Variants in CFAP44 observed in about 807,000 individuals in gnomAD.
The protein encoded by CFAP44 is cilia and flagella associated protein 44.
In CFAP44, 134 loss-of-function variants were observed where a neutral mutation model predicts 216.2. That is an observed-to-expected ratio of 0.62 (90% CI 0.54 to 0.72). The LOEUF (loss-of-function observed/expected upper bound fraction) is 0.72. Ranked by LOEUF, CFAP44 falls within the 30% of genes least tolerant of loss-of-function variation. The pLI, the probability that CFAP44 is intolerant of heterozygous loss-of-function variation, is 0.00. For synonymous variants in CFAP44, 700 were observed against 727.6 expected (o/e 0.96, Z 0.61); for missense variants, 2,035 against 2,182.1 (o/e 0.93, Z 1.34).
intron 1 of CFAP44, 28 bp from the exon 2 acceptor site, chr3:113,433,697 T>C (rs781683003): frequency 4.0e-6 from 6 of 1,514,984 alleles, no homozygotes; most frequent in South Asian, 3.4e-5. Context: ...GGATGAGATA[T>C]GGATAAAGCT....
Position 113,333,467 on chromosome 3 carries a change from G to C in CFAP44, c.3554C>G (p.Pro1185Arg), listed in dbSNP as rs61732431. 14,805 of 1,536,996 alleles carry C rather than the reference G, an allele frequency of 9.6e-3. 572 individuals are homozygous for C. In the African/African-American group the frequency reaches 0.12, roughly 12 times the overall value. ...NLKTAPDYKI[P>R]EHMRINAAKK... ...GGCAGCATTTATTCTCATGTGCTCA[G>C]GTATCTTGTAGTCTGGGGCTGTCTT... is the stretch of plus-strand genomic sequence containing the variant. The change falls in exon 25 of 35, where the codon CCT (proline) becomes CGT (arginine). Residue 1185 changes from proline (P) to arginine (R), a missense_variant. By Grantham distance (103) the Pro-to-Arg change is moderately radical. Coordinates refer to ENST00000393845, the MANE Select transcript of CFAP44 (RefSeq NM_001164496.2).
rs139139657 is a variant in CFAP44 at position 113,386,977 on chromosome 3, G to T, written c.1891-5917C>A. ...GGGCACAACTCAGCCAGTGCCCACA[G>T]ACAGAGTATTTAGACCAGCCCGAGT... is the stretch of plus-strand genomic sequence containing the variant. On this transcript the variant is annotated intron_variant, in intron 15 of 34. Transcript: ENST00000393845. 5.7e-3 allele frequency among the ~76,000 whole-genome samples: 862 copies of T among 152,284 alleles called. 10 individuals carry two copies. Among genetic ancestry groups the T allele is most frequent in the African/African-American group, 0.02 (833 of 41,572 alleles).
chr3:113,433,626 T>A lies in CFAP44; in HGVS notation c.39A>T (p.Lys13Asn). The A allele has an allele frequency of 6.2e-7, 1 of 1,613,464 alleles. No individual in the cohort carries two copies. Among genetic ancestry groups the A allele is most frequent in the East Asian group, 2.2e-5 (1 of 44,850 alleles). Residue 13 changes from lysine to asparagine, a missense_variant, in exon 2 of 35, where the codon AAA becomes AAT. Around this residue, in one of 3 missense-constraint regions of CFAP44, gnomAD observed 149 missense variants for 141.8 expected, o/e 1.05. Transcript: ENST00000393845. ...EPDDQDTDGE[K>N]SVTSKSDGKK... Reference sequence around the variant, plus strand: ...TCCCATCACTCTTTGATGTAACTGATTTCTCCCCATCAGTATCCTGATCAT... The same window carrying A: ...TCCCATCACTCTTTGATGTAACTGAATTCTCCCCATCAGTATCCTGATCAT...
rs147393078 is a variant in CFAP44, at chr3:113,375,222, T to C, written c.2299-1666A>G. The stretch of plus-strand genomic sequence containing the variant: ...CATTTGATGAGTATGGGAGTTTCAG[T>C]GTTACAGGATGAGGAGGACGGTAGA... On this transcript the variant is annotated intron_variant, in intron 17 of 34. Coordinates refer to ENST00000393845, the MANE Select transcript of CFAP44 (RefSeq NM_001164496.2). 2.6e-5 allele frequency among the ~76,000 whole-genome samples: 4 copies of C among 152,274 alleles called. No individual in the cohort carries two copies. The East Asian group carries it at 5.8e-4, about 22-fold the overall frequency.
At chr3:113,380,523 C>T (rs756518577) in intron 16 of CFAP44, among the ~76,000 whole-genome samples, 5 of 152,010 alleles carry the variant, frequency 3.3e-5, no homozygotes, top group Non-Finnish European at 7.4e-5. Context: ...CATAAACTCC[C>T]GGGCTCAAGC....
chr3:113,361,682 TG>T (rs1950542900), intron 21 of CFAP44, among the ~76,000 whole-genome samples: 1 of 151,804 alleles, frequency 6.6e-6, no homozygotes. Context: ...TATTTTTTAG[TG>T]GAGACAGGGT....
At position 113,306,076 on chromosome 3, in the gene CFAP44, C is replaced by G. The variant is rs1949982765; in HGVS notation, c.4758+125G>C. On this transcript the variant is annotated intron_variant, in intron 30 of 34. Transcript: ENST00000393845. Reference sequence around the variant, plus strand: ...CAATTTAGGGAGAAAAAAACCTGCCCTTAACATTTGAAATGTTTCTTTTCT... The same window carrying G: ...CAATTTAGGGAGAAAAAAACCTGCCGTTAACATTTGAAATGTTTCTTTTCT... The G allele has an allele frequency of 1.1e-5, 14 of 1,234,064 alleles. No homozygotes were observed. In the South Asian group the frequency reaches 2.5e-4, roughly 22 times the overall value. The allele number at this position is 1,234,064 out of a possible 1,614,324, so 76.4% of individuals were successfully genotyped here. A position where few individuals can be genotyped will look rare whatever the true frequency, so the allele number is the denominator to read the frequency against.
At position 113,291,584 on chromosome 3, in the gene CFAP44, C is replaced by G; in HGVS notation, c.5538G>C (p.Glu1846Asp). 1 of 1,537,216 alleles carries G rather than the reference C, an allele frequency of 6.5e-7. No homozygotes were observed. The highest frequency in any genetic ancestry group is 8.7e-7 in the Non-Finnish European group (1 of 1,146,900). The change falls in exon 35 of 35, where the codon GAG (glutamate) becomes GAC (aspartate). Residue 1846 changes from glutamate to aspartate, a missense_variant. Glu to Asp is a conservative substitution (Grantham distance 45). Coordinates refer to ENST00000393845, the MANE Select transcript of CFAP44 (RefSeq NM_001164496.2). The part of the protein sequence containing the change: ...LILPPIQSPR[E>D]KEIQPADL Reference sequence around the variant, plus strand: ...AAAGGTCTGCGGGCTGTATCTCTTTCTCTCGTGGAGACTGAATGGGTGGGA... The same window carrying G: ...AAAGGTCTGCGGGCTGTATCTCTTTGTCTCGTGGAGACTGAATGGGTGGGA...
chr3:113,415,163 G>C (rs143067161), intron 6 of CFAP44, among the ~76,000 whole-genome samples: 1 of 152,172 alleles, frequency 6.6e-6, no homozygotes, highest in African/African-American at 2.4e-5. Context: ...GGTATCTATG[G>C]TATTCTCTGA....
intron 21 of CFAP44, chr3:113,360,675 T>G (rs1950531682): frequency 6.5e-6 from 1 of 155,006 alleles, no homozygotes; most frequent in African/African-American, 2.4e-5. Context: ...ACTGAGCAGC[T>G]GCTCTAACTG....
intron 28 of CFAP44, among the ~76,000 whole-genome samples, chr3:113,311,444 G>C (rs1950037181): frequency 6.6e-6 from 1 of 152,142 alleles, no homozygotes; most frequent in Non-Finnish European, 1.5e-5. Flanking sequence ...TTTATCAGGG[G>C]TTTCTGCTTT....
chr3:113,391,797 G>A (rs1320184073), intron 15 of CFAP44, among the ~76,000 whole-genome samples: 1 of 152,126 alleles, frequency 6.6e-6, no homozygotes, highest in African/African-American at 2.4e-5. Flanking sequence ...ACAGGTATAT[G>A]AAAAGGTGCT....
rs1422026630 is a variant in CFAP44 at position 113,396,685 on chromosome 3, C to T, written c.1612G>A (p.Gly538Arg). The T allele has an allele frequency of 6.2e-7, 1 of 1,613,876 alleles. No homozygotes were observed. The highest frequency in any genetic ancestry group is 1.3e-5 in the African/African-American group (1 of 74,910). ...GAQIIVGFED[G>R]VVRILELYDP... ...TAAAGTTCAAGAATTCGAACAACTCCATCTTCAAATCCTACAATAATTTGT... is the reference window on the plus strand; with the variant it reads ...TAAAGTTCAAGAATTCGAACAACTCTATCTTCAAATCCTACAATAATTTGT... Residue 538 changes from glycine to arginine, a missense_variant, in exon 14 of 35, where the codon GGA becomes AGA. Coordinates refer to ENST00000393845, the MANE Select transcript of CFAP44 (RefSeq NM_001164496.2).
intron 22 of CFAP44, among the ~76,000 whole-genome samples, chr3:113,353,542 C>T (rs1235742597): frequency 6.6e-6 from 1 of 151,668 alleles, no homozygotes; most frequent in Admixed American, 6.6e-5. Flanking sequence ...CAAACATAGG[C>T]TGCTATGTTG....
At chr3:113,392,389 A>C (rs57566915) in intron 15 of CFAP44, among the ~76,000 whole-genome samples, 11,008 of 151,124 alleles carry the variant, frequency 0.073, 470 homozygotes, top group East Asian at 0.15. Flanking sequence ...ATGATGGTCA[A>C]CAGCAGCTTA....
rs1177798016 is a variant in CFAP44, at chr3:113,426,311, T to C, written c.254-34A>G. ...ATAAAATAATTTAAGAAGAGTGATA[T>C]GGTTTGGCTGTGTCCCCACCCAAAT... On this transcript the variant is annotated intron_variant, in intron 3 of 34. Coordinates refer to ENST00000393845, the MANE Select transcript of CFAP44 (RefSeq NM_001164496.2). 4.4e-6 allele frequency: 7 copies of C among 1,603,520 alleles called. No individual in the cohort carries two copies. The African/African-American group carries it at 5.4e-5, about 12-fold the overall frequency.
Position 113,330,588 on chromosome 3 carries a change from C to T in CFAP44, c.3696G>A (p.Gln1232=), listed in dbSNP as rs898907984. 74 of 1,537,062 alleles carry T rather than the reference C, an allele frequency of 4.8e-5. No homozygotes were observed. The highest frequency in any genetic ancestry group is 6.4e-5 in the Non-Finnish European group (73 of 1,146,886). ...DLKVAVVEEI[Q]CLVQELKNIQ... ...TGTTCTTCAGTTCTTGTACCAGGCA[C>T]TGTATTTCCTCAACAACAGCCACTT... is the stretch of plus-strand genomic sequence containing the variant. The change falls in exon 26 of 35, where the codon CAG becomes CAA. Residue 1232 remains glutamine, a synonymous_variant. Coordinates refer to ENST00000393845, the MANE Select transcript of CFAP44 (RefSeq NM_001164496.2).
At chr3:113,350,118 GA>G (rs1950428462) in intron 22 of CFAP44, among the ~76,000 whole-genome samples, 1 of 152,180 alleles carries the variant, frequency 6.6e-6, no homozygotes, top group Non-Finnish European at 1.5e-5. Flanking sequence ...AGGGGAAGGA[GA>G]GGGGAGAACA....
intron 24 of CFAP44, among the ~76,000 whole-genome samples, chr3:113,338,946 A>G (rs1037637564): frequency 2.6e-5 from 4 of 151,994 alleles, no homozygotes; most frequent in Admixed American, 2.0e-4. Flanking sequence ...TCTGAGACTC[A>G]TATCTTTAAT....
Sources: gnomAD v4.1 joint callset for allele counts (sites outside exome capture counted in the v4.1 genomes callset) on GRCh38, gnomAD v4.1.1 for gene constraint, gnomAD v4.1.1 regional missense constraint, MANE v1.5 for transcripts, NCBI Gene and HGNC (gene_info 2026-07-23, HGNC 2026-07-21) for gene names.